The following PSCA variants were observed in gnomAD, a reference collection of about 807,000 sequenced individuals.
The protein encoded by PSCA is prostate stem cell antigen.
Under a neutral mutation model 7.9 loss-of-function variants are expected in PSCA, and 7 were observed. The ratio of observed to expected loss-of-function variants is 0.89; its 90% CI spans 0.51 to 1.67. PSCA has a LOEUF of 1.67. Ranked by LOEUF, PSCA falls within the 40% of genes most tolerant of loss-of-function variation. PSCA has a pLI of 0.00. For missense variants in PSCA, 151 were observed against 147.9 expected, an observed-to-expected ratio of 1.02 and a Z score of -0.11; for synonymous variants, 61 against 68.3, an observed-to-expected ratio of 0.89 and a Z score of 0.53.
At chr8:142,677,526 C>T (rs73714664), upstream of PSCA, among the ~76,000 whole-genome samples, 8,811 of 152,228 alleles carry the variant, frequency 0.058, 525 homozygotes, top group African/African-American at 0.15. Flanking sequence ...TATTTGAGGA[C>T]GGAAAGTTCC....
At chr8:142,681,786 G>A (rs587693875) in intron 2 of PSCA, 135 bp from the exon 3 acceptor site, 151 of 678,784 alleles carry the variant, frequency 2.2e-4, no homozygotes, top group African/African-American at 2.2e-3. Flanking sequence ...CCAGGCCCTC[G>A]CACTGCTTGC....
At position 142,681,330 on chromosome 8, in the gene PSCA, C is replaced by T; in HGVS notation, c.29C>T (p.Thr10Ile). The T allele has an allele frequency of 6.4e-7, 1 of 1,558,434 alleles. No homozygotes were observed. Among genetic ancestry groups the T allele is most frequent in the Admixed American group, 1.9e-5 (1 of 51,974 alleles). MAGLALQPG[T>I]ALLCYSCKAQ... is the part of the protein sequence containing the mutation. ...CCCCTCCCACTCCACCCCACAGGCA[C>T]TGCCCTGCTGTGCTACTCCTGCAAA... is the stretch of plus-strand genomic sequence containing the variant. Residue 10 changes from threonine (T) to isoleucine (I), a missense_variant, in exon 2 of 3, where the codon ACT becomes ATT. Thr to Ile is a moderately conservative substitution (Grantham distance 89). Coordinates refer to ENST00000301258, the MANE Select transcript of PSCA (RefSeq NM_005672.5).
upstream of PSCA, chr8:142,680,118 T>C (rs1563804864): frequency 4.9e-6 from 1 of 203,560 alleles, no homozygotes; most frequent in East Asian, 1.1e-4. Context: ...GCACAGCTTC[T>C]ATAGGAGCAC....
chr8:142,680,835 G>T, intron 1 of PSCA: 1 of 577,128 alleles, frequency 1.7e-6, no homozygotes, highest in Non-Finnish European at 3.1e-6. Flanking sequence ...GGCTCCTAGG[G>T]GGCAGGTAGA....
rs191184234 is a variant in PSCA, at chr8:142,673,068, C to T, written n.261+2500C>T. On this transcript the variant is annotated intron_variant and non_coding_transcript_variant, in intron 1 of 1. Transcript: ENST00000505305. The surrounding 1 kb of genome is among the most constrained non-coding windows in gnomAD (Gnocchi z 4.6). The stretch of plus-strand genomic sequence containing the variant: ...TCCCATTGGCACAACTGCTGGCATT[C>T]ACGCGTGCAAGCTTCCAGCTTGCTT... 1.4e-3 allele frequency among the ~76,000 whole-genome samples: 220 copies of T among 152,292 alleles called. 1 individual carries two copies. The highest frequency in any genetic ancestry group is 4.9e-3 in the African/African-American group (202 of 41,562).
intron 1 of PSCA, among the ~76,000 whole-genome samples, chr8:142,674,697 A>G (rs1320468288): frequency 1.3e-5 from 2 of 152,248 alleles, no homozygotes; most frequent in Admixed American, 6.5e-5. Flanking sequence ...CCATGCCCCA[A>G]GTTCGCAGAG....
chr8:142,674,298 G>C (rs1443284992), intron 1 of PSCA, among the ~76,000 whole-genome samples: 2 of 129,234 alleles, frequency 1.5e-5, no homozygotes, highest in Non-Finnish European at 1.6e-5. Context: ...GCTGGGAATC[G>C]TTTCAGTCTA....
At chr8:142,677,088 G>C (rs73714662), upstream of PSCA, among the ~76,000 whole-genome samples, 1 of 152,188 alleles carries the variant, frequency 6.6e-6, no homozygotes, top group East Asian at 1.9e-4. Flanking sequence ...CAGGGCCAGG[G>C]CTCAGGGTGG....
At chr8:142,681,542 G>A (rs1472621706) in intron 2 of PSCA, 108 bp downstream of exon 2, 4 of 982,400 alleles carry the variant, frequency 4.1e-6, no homozygotes, top group Non-Finnish European at 6.2e-6. Context: ...ACCTGTCCCC[G>A]ACCCGTCCCG....
intron 1 of PSCA, among the ~76,000 whole-genome samples, chr8:142,674,452 G>T (rs73714661): frequency 2.0e-5 from 3 of 149,308 alleles, no homozygotes; most frequent in South Asian, 2.1e-4. Flanking sequence ...TCAGCAGAGC[G>T]CAGATCCCCT....
upstream of PSCA, among the ~76,000 whole-genome samples, chr8:142,677,721 T>C (rs1430766575): frequency 6.6e-6 from 1 of 151,782 alleles, no homozygotes; most frequent in Non-Finnish European, 1.5e-5. Flanking sequence ...CTGGAGGGCG[T>C]GTCCAGAGGG....
At chr8:142,676,063 TCCGGCTGTCCTGGC>T (rs1182773314), upstream of PSCA, 2 of 152,276 alleles carry the variant, frequency 1.3e-5, no homozygotes, top group African/African-American at 4.8e-5. Flanking sequence ...CAGGGCCTGG[TCCGGCTGTCCTGGC>T]CCCGGCCTCA....
Position 142,682,478 on chromosome 8 carries a change from G to C in PSCA, c.*346G>C. ...TCCCTGCCCACCCCATCTATGACTT[G>C]AGCCAGGTCTGGTCCGTGGTGTCCC... On this transcript the variant is annotated 3_prime_UTR_variant, in exon 3 of 3. Transcript: ENST00000301258. 1.7e-6 allele frequency: 1 copy of C among 571,938 alleles called. No individual in the cohort carries two copies. Among genetic ancestry groups the C allele is most frequent in the Non-Finnish European group, 3.3e-6 (1 of 301,008 alleles). The allele number at this position is 571,938 out of a possible 1,614,324, so 35.4% of individuals were successfully genotyped here.
At chr8:142,681,035 C>G (rs1847456765) in intron 1 of PSCA, 5 of 482,022 alleles carry the variant, frequency 1.0e-5, no homozygotes, top group Non-Finnish European at 1.1e-5. Context: ...AGCTGCTCTG[C>G]TTGAGGTGGG....
chr8:142,682,555 G>A lies in PSCA; in HGVS notation c.*423G>A. 1 of 423,224 alleles carries A rather than the reference G, an allele frequency of 2.4e-6. No homozygotes were observed. The highest frequency in any genetic ancestry group is 1.8e-5 in the South Asian group (1 of 56,156). The allele number at this position is 423,224 out of a possible 1,614,324, so 26.2% of individuals were successfully genotyped here. On this transcript the variant is annotated 3_prime_UTR_variant, in exon 3 of 3. Transcript: ENST00000301258. ...AGGAGGGCCCGGTAAAGGCTGAGAT[G>A]AAGTGGACTGAGTAGAACTGGAGGA... is the stretch of plus-strand genomic sequence containing the variant.
At position 142,682,473 on chromosome 8, in the gene PSCA, G is replaced by A. The variant is rs1006655011; in HGVS notation, c.*341G>A. 6.9e-6 allele frequency: 4 copies of A among 581,294 alleles called. No homozygotes were observed. Among genetic ancestry groups the A allele is most frequent in the Non-Finnish European group, 1.3e-5 (4 of 307,038 alleles). 36.0% of individuals were successfully genotyped at this position (581,294 alleles called of 1,614,324 possible). Reference sequence around the variant, plus strand: ...AGCCTTCCCTGCCCACCCCATCTATGACTTGAGCCAGGTCTGGTCCGTGGT... The same window carrying A: ...AGCCTTCCCTGCCCACCCCATCTATAACTTGAGCCAGGTCTGGTCCGTGGT... On this transcript the variant is annotated 3_prime_UTR_variant, in exon 3 of 3. Transcript: ENST00000301258.
At position 142,681,441 on chromosome 8, in the gene PSCA, G is replaced by C. The variant is rs137952949; in HGVS notation, c.133+7G>C. ...TGCTGGACCGCGCGCATCCGTGAGT[G>C]GGGGGACGACAGCCGCCAGGCCTAG... On this transcript the variant is annotated splice_region_variant and intron_variant, in intron 2 of 2. Coordinates refer to ENST00000301258, the MANE Select transcript of PSCA (RefSeq NM_005672.5). 254 of 1,581,206 alleles carry C rather than the reference G, an allele frequency of 1.6e-4. 1 individual carries two copies. In the African/African-American group the frequency reaches 2.5e-3, roughly 16 times the overall value.
At chr8:142,677,365 C>T (rs587653571), upstream of PSCA, among the ~76,000 whole-genome samples, 1 of 152,312 alleles carries the variant, frequency 6.6e-6, no homozygotes, top group East Asian at 1.9e-4. Flanking sequence ...CCACTAGAGG[C>T]CAGCAGCACC....
chr8:142,678,577 G>C (rs1449218405), upstream of PSCA, among the ~76,000 whole-genome samples: 1 of 152,232 alleles, frequency 6.6e-6, no homozygotes, highest in South Asian at 2.1e-4. Context: ...GCCAGAACCC[G>C]GGGGACAGGA....
Sources: allele counts gnomAD v4.1 joint callset (sites outside exome capture counted in the v4.1 genomes callset), GRCh38; gene constraint gnomAD v4.1.1; non-coding constraint Gnocchi (gnomAD v3.1); transcripts MANE v1.5; gene names NCBI Gene and HGNC (gene_info 2026-07-23, HGNC 2026-07-21).